GABRG3: variants seen among roughly 807,000 people sequenced by gnomAD.
The protein encoded by GABRG3 is gamma-aminobutyric acid receptor subunit gamma-3.
GABRG3 carries 25 observed loss-of-function variants against 48.8 expected under a neutral mutation model. That is an observed-to-expected ratio of 0.51 (90% confidence interval 0.37 to 0.72). GABRG3 has a LOEUF of 0.72. Among genes scored for constraint, GABRG3 ranks in the 30% least tolerant of loss-of-function variants. The pLI, the probability that GABRG3 is intolerant of heterozygous loss-of-function variation, is 0.00. For missense variants in GABRG3, 394 were observed against 577.9 expected (o/e 0.68, Z 3.26); for synonymous variants, 227 against 217.6 (o/e 1.04, Z -0.38).
At chr15:27,525,587 C>T (rs1481289568) in intron 7 of GABRG3, among the ~76,000 whole-genome samples, 1 of 152,128 alleles carries the variant, frequency 6.6e-6, no homozygotes, top group Non-Finnish European at 1.5e-5. Flanking sequence ...GAATACAGGC[C>T]ACTCATGACA....
intron 5 of GABRG3, among the ~76,000 whole-genome samples, chr15:27,355,761 T>C (rs1432296912): frequency 6.6e-6 from 1 of 152,224 alleles, no homozygotes; most frequent in Admixed American, 6.5e-5. Flanking sequence ...GAATGTGGTC[T>C]GGACATACAA....
At chr15:27,397,553 C>T (rs1015315537) in intron 5 of GABRG3, among the ~76,000 whole-genome samples, 3 of 152,098 alleles carry the variant, frequency 2.0e-5, no homozygotes, top group Non-Finnish European at 4.4e-5. Flanking sequence ...ACTTCCTCTG[C>T]CAGATTGAGG....
intron 6 of GABRG3, among the ~76,000 whole-genome samples, chr15:27,497,283 T>G (rs762263909): frequency 6.6e-6 from 1 of 152,330 alleles, no homozygotes; most frequent in South Asian, 2.1e-4. Flanking sequence ...CCTCTCTGAG[T>G]TCTTAACTTG....
intron 3 of GABRG3, among the ~76,000 whole-genome samples, chr15:27,143,096 C>T (rs561969258): frequency 3.0e-4 from 46 of 152,238 alleles, no homozygotes; most frequent in African/African-American, 9.6e-4. Context: ...ATTTATTTTA[C>T]AGTCAGTGTC....
intron 3 of GABRG3, among the ~76,000 whole-genome samples, chr15:27,052,628 C>A (rs917858078): frequency 2.0e-5 from 3 of 152,148 alleles, no homozygotes; most frequent in Non-Finnish European, 4.4e-5. Flanking sequence ...CAAGAAGATT[C>A]AGCAAATGGA....
intron 5 of GABRG3, among the ~76,000 whole-genome samples, chr15:27,379,909 C>T (rs1457977296): frequency 2.0e-5 from 3 of 151,720 alleles, no homozygotes; most frequent in African/African-American, 4.8e-5. Context: ...TTCCCGAATC[C>T]GTGATTTGGT....
At chr15:27,308,298 C>T (rs1566773717) in intron 3 of GABRG3, among the ~76,000 whole-genome samples, 1 of 120,860 alleles carries the variant, frequency 8.3e-6, no homozygotes, top group Non-Finnish European at 1.6e-5. Context: ...TATATATAAA[C>T]ATCATATAAA....
At chr15:27,057,577 G>A (rs1896572247) in intron 3 of GABRG3, among the ~76,000 whole-genome samples, 1 of 152,136 alleles carries the variant, frequency 6.6e-6, no homozygotes, top group Non-Finnish European at 1.5e-5. Flanking sequence ...GAGCCCCCTG[G>A]AAAGGCCTCT....
chr15:27,259,227 C>T (rs1240641624), intron 3 of GABRG3, among the ~76,000 whole-genome samples: 1 of 152,130 alleles, frequency 6.6e-6, no homozygotes, highest in Non-Finnish European at 1.5e-5. Flanking sequence ...TACTGATTTC[C>T]CTTCCTTTGG....
intron 3 of GABRG3, among the ~76,000 whole-genome samples, chr15:27,102,926 T>C (rs572325261): frequency 3.2e-4 from 49 of 152,290 alleles, no homozygotes; most frequent in South Asian, 1.4e-3. Context: ...GAAGAACAAA[T>C]AAAACTGCCA....
chr15:27,509,474 T>C (rs887580951), intron 6 of GABRG3, among the ~76,000 whole-genome samples: 1 of 152,208 alleles, frequency 6.6e-6, no homozygotes, highest in African/African-American at 2.4e-5. Flanking sequence ...AAATAATATG[T>C]ATATTAGACA....
chr15:26,994,707 C>T (rs1379417578), intron 2 of GABRG3, among the ~76,000 whole-genome samples: 2 of 151,894 alleles, frequency 1.3e-5, no homozygotes, highest in East Asian at 1.9e-4. Context: ...TAAATGGTGT[C>T]TTCTTGCTCA....
At chr15:27,481,769 T>C (rs1411666362) in intron 6 of GABRG3, among the ~76,000 whole-genome samples, 1 of 152,202 alleles carries the variant, frequency 6.6e-6, no homozygotes, top group Admixed American at 6.5e-5. Flanking sequence ...TATTAAACAA[T>C]GACGATGTTA....
chr15:27,286,906 C>T (rs976630532), intron 3 of GABRG3, among the ~76,000 whole-genome samples: 1 of 152,180 alleles, frequency 6.6e-6, no homozygotes, highest in Non-Finnish European at 1.5e-5. Context: ...CCAGATCCTT[C>T]CACAGTGTCG....
chr15:27,016,011 A>G (rs1895772385), intron 2 of GABRG3, among the ~76,000 whole-genome samples: 2 of 151,910 alleles, frequency 1.3e-5, no homozygotes, highest in Non-Finnish European at 2.9e-5. Flanking sequence ...CTCTTTGTAT[A>G]CTGTGTATGC....
At chr15:27,018,187 T>C (rs1026643873) in intron 2 of GABRG3, among the ~76,000 whole-genome samples, 1 of 152,236 alleles carries the variant, frequency 6.6e-6, no homozygotes, top group Non-Finnish European at 1.5e-5. Flanking sequence ...AGTGACTTTC[T>C]CAAGGCCATA....
At chr15:27,305,171 C>T (rs899198938) in intron 3 of GABRG3, among the ~76,000 whole-genome samples, 5 of 151,558 alleles carry the variant, frequency 3.3e-5, no homozygotes, top group African/African-American at 9.7e-5. Flanking sequence ...GTTGAAGAGA[C>T]GATTTTTCTC....
chr15:27,102,372 G>A (rs899150131), intron 3 of GABRG3, among the ~76,000 whole-genome samples: 2 of 152,194 alleles, frequency 1.3e-5, no homozygotes, highest in Admixed American at 1.3e-4. Flanking sequence ...CTCGAACTGA[G>A]CTCTAAAAAC....
intron 5 of GABRG3, among the ~76,000 whole-genome samples, chr15:27,374,087 A>G (rs1174139472): frequency 6.6e-6 from 1 of 151,360 alleles, no homozygotes; most frequent in Non-Finnish European, 1.5e-5. Flanking sequence ...ATCTTTGTCA[A>G]AAGGAGTTCA....
Sources: gnomAD v4.1 joint callset for allele counts (sites outside exome capture counted in the v4.1 genomes callset) on GRCh38, gnomAD v4.1.1 for gene constraint, MANE v1.5 for transcripts, NCBI Gene and HGNC (gene_info 2026-07-23, HGNC 2026-07-21) for gene names.